Variants in ZGRF1 observed in about 807,000 individuals in gnomAD.
The protein encoded by ZGRF1 is 5'-3' DNA helicase ZGRF1.
A neutral mutation model predicts 203.5 loss-of-function variants in ZGRF1; 196 were observed. The ratio of observed to expected loss-of-function variants is 0.96; its 90% CI spans 0.86 to 1.08. The LOEUF is 1.08. Among genes scored for constraint, ZGRF1 ranks in the 50% least tolerant of loss-of-function variants. The probability of loss-of-function intolerance (pLI) is 0.00; values close to 1 mark genes in which losing one functional copy is unlikely to be tolerated. For missense variants in ZGRF1, 2,326 were observed against 2,416.3 expected (o/e 0.96, Z 0.78); for synonymous variants, 809 against 841.3 (o/e 0.96, Z 0.66).
intron 11 of ZGRF1, chr4:112,589,501 T>C: frequency 3.7e-6 from 2 of 541,378 alleles, no homozygotes; most frequent in Admixed American, 3.2e-5. Flanking sequence ...GTTGACAAAG[T>C]TGGGAGGAGA....
rs2046974053 is a variant in ZGRF1 at position 112,618,891 on chromosome 4, T to G, written c.1151A>C (p.Lys384Thr). 1.2e-6 allele frequency: 2 copies of G among 1,613,630 alleles called. No homozygotes were observed. Among genetic ancestry groups the G allele is most frequent in the Non-Finnish European group, 1.7e-6 (2 of 1,179,788 alleles). ...FVETYAEERK[K>T]YNVDQSVGNN... Reference sequence around the variant, plus strand: ...ACCGACTGACTGGTCTACATTATACTTTTTCCTCTCTTCAGCATACGTTTC... The same window carrying G: ...ACCGACTGACTGGTCTACATTATACGTTTTCCTCTCTTCAGCATACGTTTC... The change falls in exon 6 of 28, where the codon AAG (lysine) becomes ACG (threonine). Residue 384 changes from lysine to threonine, a missense_variant. Transcript: ENST00000505019.
rs1407157104 is a variant in ZGRF1, at chr4:112,636,853, G to A, written c.-69C>T. 6 of 152,146 alleles carry A rather than the reference G, an allele frequency of 3.9e-5. No individual in the cohort carries two copies. Among genetic ancestry groups the A allele is most frequent in the Non-Finnish European group, 8.8e-5 (6 of 68,054 alleles). The allele number at this position is 152,146 out of a possible 1,614,324, so 9.4% of individuals were successfully genotyped here. A position where few individuals can be genotyped will look rare whatever the true frequency, so the allele number is the denominator to read the frequency against. ...TCCCGAGAAACACTTCACCTCACCTGTCAAATTGCACAAAATCCACTTTCG... is the reference window on the plus strand; with the variant it reads ...TCCCGAGAAACACTTCACCTCACCTATCAAATTGCACAAAATCCACTTTCG... On this transcript the variant is annotated splice_region_variant and 5_prime_UTR_variant, in exon 1 of 28. Transcript: ENST00000505019.
In ZGRF1 at chr4:112,560,781, C is replaced by A; in HGVS notation, c.4912G>T (p.Glu1638Ter). The A allele has an allele frequency of 1.2e-6, 2 of 1,604,596 alleles. No homozygotes were observed. The highest frequency in any genetic ancestry group is 2.2e-5 in the South Asian group (2 of 90,774). ...QMMASHESIE[E>*]VKELQTHTFP... ...GTATGAGTTTGCAGTTCCTTCACTT[C>A]TTCAATGCTTTCATGTGATGCCATC... The change falls in exon 19 of 28, where the codon GAA becomes TAA. Residue 1638 changes from glutamate (E) to a stop codon, truncating the protein, a stop_gained. Transcript: ENST00000505019. LOFTEE classifies it high-confidence loss of function.
chr4:112,593,828 C>CAGTGGTGGGA (rs56312157), intron 10 of ZGRF1, among the ~76,000 whole-genome samples: 103,238 of 151,678 alleles, frequency 0.68, 35,552 homozygotes, highest in East Asian at 0.95. Flanking sequence ...GGCTGGAATG[C>CAGTGGTGGGA]TCACAGCTCA....
intron 16 of ZGRF1, chr4:112,565,141 A>C (rs1742789223): frequency 6.9e-7 from 1 of 1,439,790 alleles, no homozygotes; most frequent in East Asian, 2.3e-5. Flanking sequence ...GCTCCGTGAA[A>C]TTAGATGTTA....
rs1311771374 is a variant in ZGRF1, at chr4:112,581,903, T to C, written c.4299-101A>G. The C allele has an allele frequency of 5.8e-6, 3 of 517,302 alleles. No individual in the cohort carries two copies. The East Asian group carries it at 1.1e-4, about 19-fold the overall frequency. The allele number at this position is 517,302 out of a possible 1,614,324, so 32.0% of individuals were successfully genotyped here. On this transcript the variant is annotated intron_variant, in intron 15 of 27. Coordinates refer to ENST00000505019, the MANE Select transcript of ZGRF1 (RefSeq NM_018392.5). ...ATGAAAAGAACCAGGGTTTCATATG[T>C]TTACCTAGTTTCATACATGTATACA...
chr4:112,561,534 T>C (rs955461201), intron 18 of ZGRF1: 1 of 152,542 alleles, frequency 6.6e-6, no homozygotes, highest in Non-Finnish European at 1.5e-5. Context: ...TAGGACTTCA[T>C]TGTAGTGAGA....
chr4:112,568,285 TA>T (rs1743506687), intron 16 of ZGRF1, among the ~76,000 whole-genome samples: 2 of 152,186 alleles, frequency 1.3e-5, no homozygotes, highest in East Asian at 3.9e-4. Flanking sequence ...AAAAGGCCCA[TA>T]ATGTGCCCAA....
chr4:112,541,346 A>T (rs547004407), intron 24 of ZGRF1, 78 bp from the exon 25 acceptor site: 209 of 723,898 alleles, frequency 2.9e-4, no homozygotes, highest in Middle Eastern at 3.8e-4. Flanking sequence ...TTTTAAAATT[A>T]AAAATATCGC....
chr4:112,550,668 C>T (rs549118176), intron 22 of ZGRF1, among the ~76,000 whole-genome samples: 22 of 152,198 alleles, frequency 1.4e-4, no homozygotes, highest in African/African-American at 4.8e-4. Context: ...GCCTGGCCAA[C>T]GTGGTGAAAC....
At chr4:112,557,233 G>A (rs898595741) in intron 20 of ZGRF1, among the ~76,000 whole-genome samples, 136 of 151,066 alleles carry the variant, frequency 9.0e-4, no homozygotes, top group African/African-American at 3.2e-3. Context: ...GTGCAGTGGT[G>A]CAGTCTCAGC....
At chr4:112,572,059 G>A (rs547932802) in intron 16 of ZGRF1, among the ~76,000 whole-genome samples, 6 of 152,040 alleles carry the variant, frequency 3.9e-5, no homozygotes, top group Non-Finnish European at 8.8e-5. Flanking sequence ...TACTATTCTA[G>A]CAAAATTGGT....
At chr4:112,586,350 G>A (rs1436747186) in intron 13 of ZGRF1, 95 bp downstream of exon 13, 2 of 861,584 alleles carry the variant, frequency 2.3e-6, no homozygotes, top group Non-Finnish European at 3.3e-6. Context: ...AAGGTATTTA[G>A]TATGAAAATT....
chr4:112,548,511 C>A (rs1357317247), intron 22 of ZGRF1, 131 bp from the exon 23 acceptor site: 5 of 636,534 alleles, frequency 7.9e-6, no homozygotes, highest in Non-Finnish European at 1.2e-5. Flanking sequence ...CATCAGAAAT[C>A]TTAGGTCATC....
intron 17 of ZGRF1, 93 bp downstream of exon 17, chr4:112,563,038 G>A (rs1335600869): frequency 9.7e-7 from 1 of 1,025,772 alleles, no homozygotes; most frequent in South Asian, 1.9e-5. Context: ...CGAAACTAGA[G>A]TTGGGTCCTT....
rs762761502 is a variant in ZGRF1 at position 112,620,194 on chromosome 4, AAAG to A, written c.163-7_163-5del. ...CTAAGTCATCTCCAGGTTTCACCTGAAAGAATAAATGTCAAAATCACATACATC... is the reference window on the plus strand; with the variant it reads ...CTAAGTCATCTCCAGGTTTCACCTGAAATAAATGTCAAAATCACATACATC... On this transcript the variant is annotated splice_region_variant and splice_polypyrimidine_tract_variant and intron_variant, in intron 4 of 27. Transcript: ENST00000505019. 1 of 1,593,732 alleles carries A rather than the reference AAAG, an allele frequency of 6.3e-7. No individual in the cohort carries two copies. The highest frequency in any genetic ancestry group is 2.3e-5 in the East Asian group (1 of 44,408).
At chr4:112,608,839 A>G (rs1339671459) in intron 8 of ZGRF1, among the ~76,000 whole-genome samples, 3 of 152,298 alleles carry the variant, frequency 2.0e-5, no homozygotes, top group South Asian at 2.1e-4. Flanking sequence ...ATAATTGTCA[A>G]TGACCCATGG....
intron 12 of ZGRF1, 85 bp from the exon 13 acceptor site, chr4:112,586,668 TTAAAAATATTAATTTTTCTTTTGATTTC>T: frequency 9.6e-7 from 1 of 1,040,056 alleles, no homozygotes; most frequent in Non-Finnish European, 1.3e-6. Flanking sequence ...TAGACATTTT[TTAAAAATATTAATTTTTCTTTTGATTTC>T]TAGGATCCTT....
intron 8 of ZGRF1, 26 bp from the exon 9 acceptor site, chr4:112,606,117 C>G (rs1202460400): frequency 7.5e-7 from 1 of 1,330,474 alleles, no homozygotes; most frequent in African/African-American, 1.5e-5. Flanking sequence ...AATAAGTTAT[C>G]TAGTTAGCTA....
Sources: gnomAD v4.1 joint callset for allele counts (sites outside exome capture counted in the v4.1 genomes callset) on GRCh38, gnomAD v4.1.1 for gene constraint, MANE v1.5 for transcripts, NCBI Gene and HGNC (gene_info 2026-07-23, HGNC 2026-07-21) for gene names.